The following CDH8 variants were observed in gnomAD, a reference collection of about 807,000 sequenced individuals.
The protein encoded by CDH8 is cadherin 8.
Under a neutral mutation model 68.1 loss-of-function variants are expected in CDH8, and 17 were observed. The ratio of observed to expected loss-of-function variants is 0.25; its 90% CI spans 0.17 to 0.37. The LOEUF (loss-of-function observed/expected upper bound fraction) is 0.37. Ranked by LOEUF, CDH8 falls within the 10% of genes least tolerant of loss-of-function variation. The probability of loss-of-function intolerance (pLI) is 1.00; values close to 1 mark genes in which losing one functional copy is unlikely to be tolerated. For missense variants in CDH8, 763 were observed against 999.3 expected (o/e 0.76, Z 3.19); for synonymous variants, 372 against 365.1 (o/e 1.02, Z -0.21).
intron 4 of CDH8, among the ~76,000 whole-genome samples, chr16:61,840,178 AATCCCAACAGCTATTAT>A (rs1962652006): frequency 6.6e-6 from 1 of 152,260 alleles, no homozygotes; most frequent in African/African-American, 2.4e-5. Flanking sequence ...CTAAGCTTAG[AATCCCAACAGCTATTAT>A]ATCCCAGGCA....
chr16:61,722,334 T>C (rs1959228233), intron 9 of CDH8, among the ~76,000 whole-genome samples: 1 of 150,872 alleles, frequency 6.6e-6, no homozygotes, highest in African/African-American at 2.4e-5. Flanking sequence ...AGTAGATCCC[T>C]GAGTTTTCTT....
At chr16:61,971,029 C>G (rs538640869) in intron 2 of CDH8, among the ~76,000 whole-genome samples, 2 of 152,140 alleles carry the variant, frequency 1.3e-5, no homozygotes, top group South Asian at 4.2e-4. Flanking sequence ...TGTAATCTCC[C>G]CCACCCTTAA....
In CDH8 at chr16:61,817,496, G is replaced by T. The variant is rs367989208; in HGVS notation, c.1260C>A (p.Ile420=). 8 of 1,613,810 alleles carry T rather than the reference G, an allele frequency of 5.0e-6. No homozygotes were observed. The highest frequency in any genetic ancestry group is 6.8e-6 in the Non-Finnish European group (8 of 1,179,908). The part of the protein sequence containing the change: ...IGQVTARDPD[I]TSSPIRFSID... ...AAAAATACCTTATAGGACTGGAAGT[G>T]ATATCAGGGTCACGAGCAGTCACTT... is the stretch of plus-strand genomic sequence containing the variant. Residue 420 remains isoleucine, a synonymous_variant, in exon 7 of 12, where the codon ATC becomes ATA. Coordinates refer to ENST00000577390, the MANE Select transcript of CDH8 (RefSeq NM_001796.5).
intron 2 of CDH8, chr16:61,940,828 A>T (rs917471576): frequency 6.6e-6 from 1 of 152,196 alleles, no homozygotes; most frequent in African/African-American, 2.4e-5. Flanking sequence ...GCAATACGGA[A>T]CACCTGGAGA....
chr16:61,981,066 T>C (rs1779435459), intron 2 of CDH8, among the ~76,000 whole-genome samples: 1 of 152,158 alleles, frequency 6.6e-6, no homozygotes, highest in Non-Finnish European at 1.5e-5. Flanking sequence ...ATCTAGAAGA[T>C]TGCCTGGCAC....
At chr16:61,963,455 C>A (rs1965192812) in intron 2 of CDH8, among the ~76,000 whole-genome samples, 1 of 152,154 alleles carries the variant, frequency 6.6e-6, no homozygotes, top group South Asian at 2.1e-4. Context: ...CATAAATAAA[C>A]ATAATCATAA....
intron 10 of CDH8, among the ~76,000 whole-genome samples, chr16:61,706,710 C>T (rs1052431101): frequency 1.3e-5 from 2 of 149,054 alleles, no homozygotes; most frequent in African/African-American, 2.5e-5. Flanking sequence ...AAGAGAATAA[C>T]GGAAAATAAA....
intron 8 of CDH8, among the ~76,000 whole-genome samples, chr16:61,737,341 C>G (rs1959725891): frequency 6.6e-6 from 1 of 151,950 alleles, no homozygotes; most frequent in African/African-American, 2.4e-5. Flanking sequence ...AAGCTATGAG[C>G]ACTAAATTAT....
intron 8 of CDH8, among the ~76,000 whole-genome samples, chr16:61,778,091 C>T (rs1032421820): frequency 6.6e-6 from 1 of 151,990 alleles, no homozygotes; most frequent in African/African-American, 2.4e-5. Flanking sequence ...TTTTGGGGAG[C>T]CTCTTAACCA....
At chr16:61,843,410 C>T (rs974024856) in intron 4 of CDH8, among the ~76,000 whole-genome samples, 1 of 152,138 alleles carries the variant, frequency 6.6e-6, no homozygotes, top group African/African-American at 2.4e-5. Flanking sequence ...ATAATATGCT[C>T]TGGAAAGGAG....
chr16:61,720,088 T>C (rs561446923), intron 9 of CDH8, among the ~76,000 whole-genome samples: 1 of 151,024 alleles, frequency 6.6e-6, no homozygotes, highest in East Asian at 2.0e-4. Context: ...CTTTGAATAA[T>C]GCTATCCTCT....
intron 8 of CDH8, among the ~76,000 whole-genome samples, chr16:61,779,843 C>T (rs748208211): frequency 2.6e-5 from 4 of 152,160 alleles, no homozygotes; most frequent in Non-Finnish European, 5.9e-5. Flanking sequence ...CACAGAAAAA[C>T]CGTTTCGTTC....
chr16:61,931,625 A>T (rs1964541027), intron 2 of CDH8, among the ~76,000 whole-genome samples: 1 of 152,180 alleles, frequency 6.6e-6, no homozygotes, highest in Non-Finnish European at 1.5e-5. Context: ...CATGATCAGT[A>T]ACTATGCCAC....
At chr16:62,000,848 CTG>C (rs1488901962) in intron 2 of CDH8, among the ~76,000 whole-genome samples, 2 of 152,126 alleles carry the variant, frequency 1.3e-5, no homozygotes, top group Non-Finnish European at 2.9e-5. Flanking sequence ...GTATTAGACA[CTG>C]TAGTAGTAAC....
Position 61,654,163 on chromosome 16 carries a change from C to T in CDH8, c.1907-62G>A, listed in dbSNP as rs900456812. 4.7e-6 allele frequency: 7 copies of T among 1,477,136 alleles called. No individual in the cohort carries two copies. In the African/African-American group the frequency reaches 8.4e-5, roughly 18 times the overall value. The allele number at this position is 1,477,136 out of a possible 1,614,324, so 91.5% of individuals were successfully genotyped here. A position where few individuals can be genotyped will look rare whatever the true frequency, so the allele number is the denominator to read the frequency against. ...AGCATATAATTTCACAAGCAACACA[C>T]TATATATGTTAGGAGAGAGGGGTAT... On this transcript the variant is annotated intron_variant, in intron 11 of 11. Coordinates refer to ENST00000577390, the MANE Select transcript of CDH8 (RefSeq NM_001796.5).
At chr16:61,984,043 G>A (rs1454148360) in intron 2 of CDH8, among the ~76,000 whole-genome samples, 1 of 151,976 alleles carries the variant, frequency 6.6e-6, no homozygotes, top group African/African-American at 2.4e-5. Flanking sequence ...TTAGCCTCCT[G>A]AGTAGCTGGG....
chr16:61,972,613 T>TGTGTGTGTGTGTGTG (rs1965360995), intron 2 of CDH8, among the ~76,000 whole-genome samples: 1 of 151,268 alleles, frequency 6.6e-6, no homozygotes, highest in African/African-American at 2.4e-5. Context: ...TGTGTGTGTG[T>TGTGTGTGTGTGTGTG]TTAATTGGGC....
rs370392284 is a variant in CDH8 at position 61,651,367 on chromosome 16, G to A, written c.*2241C>T. 1 of 152,036 alleles carries A rather than the reference G, an allele frequency of 6.6e-6. No individual in the cohort carries two copies. Among genetic ancestry groups the A allele is most frequent in the Admixed American group, 6.5e-5 (1 of 15,268 alleles). 9.4% of individuals were successfully genotyped at this position (152,036 alleles called of 1,614,324 possible). A position where few individuals can be genotyped will look rare whatever the true frequency, so the allele number is the denominator to read the frequency against. ...AAGTGTTCACTAGCCGTAATAATAC[G>A]CATAAAAGATGACTTATTCTCAGCA... On this transcript the variant is annotated 3_prime_UTR_variant, in exon 12 of 12. Transcript: ENST00000577390.
chr16:61,995,848 T>C (rs1343233799), intron 2 of CDH8, among the ~76,000 whole-genome samples: 3 of 152,204 alleles, frequency 2.0e-5, no homozygotes, highest in African/African-American at 7.2e-5. Flanking sequence ...TGCTTTCAAC[T>C]TCACAAGCTT....
Sources: allele counts gnomAD v4.1 joint callset (sites outside exome capture counted in the v4.1 genomes callset), GRCh38; gene constraint gnomAD v4.1.1; transcripts MANE v1.5; gene names NCBI Gene and HGNC (gene_info 2026-07-23, HGNC 2026-07-21).